ARHGAP12: variants seen among roughly 807,000 people sequenced by gnomAD.
The protein encoded by ARHGAP12 is rho GTPase-activating protein 12.
In ARHGAP12, 64 loss-of-function variants were observed where a neutral mutation model predicts 108.6. That is an observed-to-expected ratio of 0.59 (90% confidence interval 0.48 to 0.73). The LOEUF (loss-of-function observed/expected upper bound fraction) is 0.73. ARHGAP12 is among the 30% of genes least tolerant of loss of function. The pLI, the probability that ARHGAP12 is intolerant of heterozygous loss-of-function variation, is 0.00. For missense variants in ARHGAP12, 940 were observed against 1,005.9 expected (o/e 0.93, Z 0.89); for synonymous variants, 312 against 337.2 (o/e 0.93, Z 0.82).
intron 6 of ARHGAP12, among the ~76,000 whole-genome samples, chr10:31,846,104 T>C (rs1315504202): frequency 1.3e-5 from 2 of 149,404 alleles, no homozygotes; most frequent in East Asian, 3.9e-4. Context: ...AGTCTACTAG[T>C]ATCAACATTT....
rs1335132233 is a variant in ARHGAP12 at position 31,807,732 on chromosome 10, C to G, written c.2467G>C (p.Ala823Pro). The G allele has an allele frequency of 8.7e-6, 14 of 1,608,514 alleles. No individual in the cohort carries two copies. Among genetic ancestry groups the G allele is most frequent in the Non-Finnish European group, 1.2e-5 (14 of 1,177,670 alleles). Reference protein sequence around the residue: ...LKPEKETGNIAVHTVYQNQIV... With the variant: ...LKPEKETGNIPVHTVYQNQIV... The stretch of plus-strand genomic sequence containing the variant: ...TGATTCTGGTACACAGTATGAACTG[C>G]TATATTACCAGTCTCTTTTTCTGGT... Residue 823 changes from alanine to proline, a missense_variant, in exon 20 of 20, where the codon GCA becomes CCA. Ala to Pro is a conservative substitution (Grantham distance 27). Transcript: ENST00000344936.
intron 1 of ARHGAP12, among the ~76,000 whole-genome samples, chr10:31,923,296 G>A (rs958880945): frequency 6.6e-5 from 10 of 152,102 alleles, no homozygotes; most frequent in Admixed American, 4.6e-4. Context: ...TCACAGAATG[G>A]CTAAGTCAGG....
At chr10:31,835,703 T>A (rs1835990922) in intron 9 of ARHGAP12, among the ~76,000 whole-genome samples, 1 of 152,158 alleles carries the variant, frequency 6.6e-6, no homozygotes, top group African/African-American at 2.4e-5. Flanking sequence ...TGTGTAATAA[T>A]AAGATTTTAA....
At chr10:31,920,318 T>A (rs1195351821) in intron 1 of ARHGAP12, among the ~76,000 whole-genome samples, 1 of 148,532 alleles carries the variant, frequency 6.7e-6, no homozygotes, top group Admixed American at 6.7e-5. Context: ...GGCGTGGTGG[T>A]GGGTGCCTGT....
intron 3 of ARHGAP12, among the ~76,000 whole-genome samples, chr10:31,901,424 C>T (rs199787816): frequency 6.7e-6 from 1 of 148,866 alleles, no homozygotes; most frequent in Admixed American, 6.8e-5. Flanking sequence ...CCCAGCTACT[C>T]GGGAAGCTGA....
chr10:31,925,438 T>A (rs915304107), intron 1 of ARHGAP12, among the ~76,000 whole-genome samples: 5 of 152,228 alleles, frequency 3.3e-5, no homozygotes, highest in Non-Finnish European at 5.9e-5. Flanking sequence ...CAGTTATCCC[T>A]ATTAACAACT....
At chr10:31,833,730 C>T (rs981529654) in intron 9 of ARHGAP12, among the ~76,000 whole-genome samples, 5 of 152,176 alleles carry the variant, frequency 3.3e-5, no homozygotes, top group African/African-American at 9.7e-5. Context: ...AGACATCAGA[C>T]AGCCTCCTGG....
chr10:31,867,190 C>T (rs986097719), intron 3 of ARHGAP12, among the ~76,000 whole-genome samples: 1 of 150,980 alleles, frequency 6.6e-6, no homozygotes, highest in Admixed American at 6.6e-5. Flanking sequence ...TTTCAGCTCA[C>T]TGCAGCCTCC....
At chr10:31,832,211 T>C (rs992870707) in intron 9 of ARHGAP12, among the ~76,000 whole-genome samples, 1 of 152,218 alleles carries the variant, frequency 6.6e-6, no homozygotes, top group African/African-American at 2.4e-5. Context: ...AATTATTCAA[T>C]ATACTAACTC....
intron 6 of ARHGAP12, among the ~76,000 whole-genome samples, chr10:31,845,021 G>C (rs1836400416): frequency 6.6e-6 from 1 of 152,132 alleles, no homozygotes; most frequent in South Asian, 2.1e-4. Flanking sequence ...ATGATGGTAT[G>C]CTACACTATT....
intron 7 of ARHGAP12, among the ~76,000 whole-genome samples, chr10:31,842,249 T>C (rs1217757472): frequency 6.6e-6 from 1 of 152,078 alleles, no homozygotes; most frequent in African/African-American, 2.4e-5. Context: ...ACAGTATATA[T>C]GGTATTTGGG....
At chr10:31,895,694 A>T (rs1339668829) in intron 3 of ARHGAP12, among the ~76,000 whole-genome samples, 2 of 152,192 alleles carry the variant, frequency 1.3e-5, no homozygotes, top group African/African-American at 4.8e-5. Context: ...TTCCTCAAGG[A>T]TCTAGAACTA....
chr10:31,808,540 C>A, intron 19 of ARHGAP12, 109 bp downstream of exon 19: 1 of 871,986 alleles, frequency 1.1e-6, no homozygotes, highest in Non-Finnish European at 1.8e-6. Context: ...ACAAAGACAG[C>A]AAGTAGCATA....
chr10:31,858,546 A>C (rs2132299484), intron 4 of ARHGAP12, among the ~76,000 whole-genome samples: 1 of 152,106 alleles, frequency 6.6e-6, no homozygotes, highest in Non-Finnish European at 1.5e-5. Context: ...GCAACATAAC[A>C]AGATCCTGTC....
chr10:31,871,344 AT>A (rs796365271), intron 3 of ARHGAP12, among the ~76,000 whole-genome samples: 69 of 151,982 alleles, frequency 4.5e-4, no homozygotes, highest in African/African-American at 1.4e-3. Context: ...TGCCTTACTG[AT>A]TTTTTTTCAG....
At chr10:31,824,055 G>A (rs917794395) in intron 11 of ARHGAP12, among the ~76,000 whole-genome samples, 1 of 151,982 alleles carries the variant, frequency 6.6e-6, no homozygotes, top group Non-Finnish European at 1.5e-5. Flanking sequence ...GAATGTTCTT[G>A]GGTCATAATA....
At chr10:31,855,202 C>A (rs542053491) in intron 4 of ARHGAP12, among the ~76,000 whole-genome samples, 1 of 151,858 alleles carries the variant, frequency 6.6e-6, no homozygotes, top group East Asian at 1.9e-4. Flanking sequence ...AAACTGCAGA[C>A]ACATGAGGGA....
chr10:31,908,717 T>C lies in ARHGAP12; in HGVS notation c.139A>G (p.Asn47Asp). 1 of 1,614,158 alleles carries C rather than the reference T, an allele frequency of 6.2e-7. No homozygotes were observed. Among genetic ancestry groups the C allele is most frequent in the South Asian group, 1.1e-5 (1 of 91,082 alleles). ...GGCTTGACTTGCCACCAGTCATCAT[T>C]GGTCTTTTTCACCAAGATGTACCTC... Reference protein sequence around the residue: ...GERYILVKKTNDDWWQVKPDE... With the variant: ...GERYILVKKTDDDWWQVKPDE... The change falls in exon 3 of 20, where the codon AAT becomes GAT. Residue 47 changes from asparagine to aspartate, a missense_variant. Coordinates refer to ENST00000344936, the MANE Select transcript of ARHGAP12 (RefSeq NM_018287.7).
intron 13 of ARHGAP12, among the ~76,000 whole-genome samples, chr10:31,816,773 T>G (rs1437020629): frequency 2.0e-5 from 3 of 152,176 alleles, no homozygotes; most frequent in Non-Finnish European, 4.4e-5. Context: ...AAAAACTGTT[T>G]AGGAGGTTAC....
Sources: gnomAD v4.1 joint callset for allele counts (sites outside exome capture counted in the v4.1 genomes callset) on GRCh38, gnomAD v4.1.1 for gene constraint, MANE v1.5 for transcripts, NCBI Gene and HGNC (gene_info 2026-07-23, HGNC 2026-07-21) for gene names.